MYRFL: variants seen among roughly 807,000 people sequenced by gnomAD.
MYRFL encodes myelin regulatory factor like, also known as myelin regulatory factor-like protein.
Under a neutral mutation model 109.4 loss-of-function variants are expected in MYRFL, and 88 were observed. The ratio of observed to expected loss-of-function variants is 0.80; its 90% CI spans 0.68 to 0.96. The LOEUF (loss-of-function observed/expected upper bound fraction) is 0.96. Ranked by LOEUF, MYRFL falls within the 40% of genes least tolerant of loss-of-function variation. The probability of loss-of-function intolerance (pLI) is 0.00; values close to 1 mark genes in which losing one functional copy is unlikely to be tolerated. For synonymous variants in MYRFL, 324 were observed against 320.9 expected (o/e 1.01, Z -0.10); for missense variants, 957 against 954.9 (o/e 1.00, Z -0.03).
intron 13 of MYRFL, among the ~76,000 whole-genome samples, chr12:69,911,170 G>A (rs182118689): frequency 3.1e-4 from 47 of 152,270 alleles, no homozygotes; most frequent in Non-Finnish European, 5.1e-4. Flanking sequence ...GTAAGAATTC[G>A]AGTTCAGCAG....
At chr12:69,897,034 C>A in intron 9 of MYRFL, 122 bp from the exon 10 acceptor site, 1 of 714,126 alleles carries the variant, frequency 1.4e-6, no homozygotes, top group Non-Finnish European at 2.4e-6. Flanking sequence ...AAAAGGCAGT[C>A]TTTAAATAAG....
In MYRFL at chr12:69,891,165, AG is replaced by A. The variant is rs1886776194; in HGVS notation, c.903+1del. On this transcript the variant is annotated frameshift_variant and splice_region_variant, in exon 7 of 25. Transcript: ENST00000552032. LOFTEE classifies it high-confidence loss of function. ...TTTTACTTGAAAGTTTTTGGCACTA[AG>A]GTATGTCTTTTATTTAGTTCAGTTT... ...EMFYLKVFGT[K>X]VEATNQIIAI... 2 of 1,511,324 alleles carry A rather than the reference AG, an allele frequency of 1.3e-6. No individual in the cohort carries two copies. The highest frequency in any genetic ancestry group is 2.8e-5 in the African/African-American group (2 of 71,794). 93.6% of individuals were successfully genotyped at this position (1,511,324 alleles called of 1,614,324 possible).
At chr12:69,880,419 TGGTAGTTTGGTTCTTCCC>T in intron 5 of MYRFL, 127 bp downstream of exon 5, 1 of 580,562 alleles carries the variant, frequency 1.7e-6, no homozygotes, top group Non-Finnish European at 3.1e-6. Context: ...TGATAAGCTC[TGGTAGTTTGGTTCTTCCC>T]TCTTGATGTA....
chr12:69,950,970 A>G (rs1955958771), intron 19 of MYRFL, among the ~76,000 whole-genome samples: 2 of 152,242 alleles, frequency 1.3e-5, no homozygotes, highest in Admixed American at 1.3e-4. Context: ...GGCAGGGGTT[A>G]CAGAGGATTC....
Position 69,868,874 on chromosome 12 carries a change from A to G in MYRFL, c.138-10154A>G, listed in dbSNP as rs910203713. Among the ~76,000 whole-genome samples, 7 of 152,088 alleles carry G rather than the reference A, an allele frequency of 4.6e-5. No individual in the cohort carries two copies. In the South Asian group the frequency reaches 8.3e-4, roughly 18 times the overall value. Reference sequence around the variant, plus strand: ...TGCACACATGTGCACACACACGCGCACACACATGCACTCACACACACGTAC... The same window carrying G: ...TGCACACATGTGCACACACACGCGCGCACACATGCACTCACACACACGTAC... On this transcript the variant is annotated intron_variant, in intron 2 of 24. Transcript: ENST00000552032.
Position 69,903,675 on chromosome 12 carries a change from G to T in MYRFL, c.1214G>T (p.Ser405Ile), listed in dbSNP as rs1242748985. 1 of 1,535,710 alleles carries T rather than the reference G, an allele frequency of 6.5e-7. No homozygotes were observed. The highest frequency in any genetic ancestry group is 1.4e-5 in the African/African-American group (1 of 73,016). Reference protein sequence around the residue: ...ASNPGQFENDSDALWQRGQVP... With the variant: ...ASNPGQFENDIDALWQRGQVP... ...AACCCTGGGCAGTTTGAAAATGACA[G>T]TGATGCATTGTGGCAGCGAGGACAA... The change falls in exon 11 of 25, where the codon AGT (serine) becomes ATT (isoleucine). Residue 405 changes from serine (S) to isoleucine (I), a missense_variant. Coordinates refer to ENST00000552032, the MANE Select transcript of MYRFL (RefSeq NM_182530.3).
chr12:69,880,862 T>G (rs1397017913), intron 5 of MYRFL, among the ~76,000 whole-genome samples: 1 of 151,798 alleles, frequency 6.6e-6, no homozygotes, highest in Admixed American at 6.6e-5. Context: ...CACTTCAAAT[T>G]GGCAAGTTCC....
chr12:69,938,895 A>G (rs1955550753), intron 19 of MYRFL, among the ~76,000 whole-genome samples: 2 of 152,208 alleles, frequency 1.3e-5, no homozygotes, highest in Non-Finnish European at 2.9e-5. Flanking sequence ...CGCAGGGTTC[A>G]GGGAGTTCCC....
chr12:69,957,429 A>G (rs1315641934), intron 22 of MYRFL, among the ~76,000 whole-genome samples: 4 of 152,208 alleles, frequency 2.6e-5, no homozygotes, highest in Admixed American at 2.0e-4. Flanking sequence ...TCATAAGATT[A>G]GGTTTTAAAA....
At chr12:69,912,034 GC>G (rs1202892011) in intron 13 of MYRFL, among the ~76,000 whole-genome samples, 2 of 152,148 alleles carry the variant, frequency 1.3e-5, no homozygotes, top group Non-Finnish European at 2.9e-5. Context: ...AGCAGAGGAT[GC>G]CTTTTCATGT....
chr12:69,951,501 C>T (rs1955975542), intron 19 of MYRFL, among the ~76,000 whole-genome samples: 1 of 148,026 alleles, frequency 6.8e-6, no homozygotes, highest in Non-Finnish European at 1.5e-5. Flanking sequence ...AATCTCGGCT[C>T]ACCACAACCT....
At chr12:69,932,370 G>A (rs1348886038) in intron 15 of MYRFL, 143 bp from the exon 16 acceptor site, 4 of 582,012 alleles carry the variant, frequency 6.9e-6, no homozygotes, top group Non-Finnish European at 1.2e-5. Flanking sequence ...AGGCAGGGAG[G>A]AGGAAAGAGA....
chr12:69,948,142 T>A (rs1257561621), intron 19 of MYRFL, among the ~76,000 whole-genome samples: 3 of 152,192 alleles, frequency 2.0e-5, no homozygotes, highest in African/African-American at 7.2e-5. Flanking sequence ...CTTTATGACT[T>A]CCTGTATGAC....
chr12:69,832,504 A>G (rs2136313570), intron 1 of MYRFL, among the ~76,000 whole-genome samples: 1 of 152,318 alleles, frequency 6.6e-6, no homozygotes, highest in East Asian at 1.9e-4. Context: ...ATGGTGGTGC[A>G]GAGAGTCTGA....
chr12:69,880,681 C>G (rs940597697), intron 5 of MYRFL, among the ~76,000 whole-genome samples: 56 of 152,316 alleles, frequency 3.7e-4, no homozygotes, highest in African/African-American at 1.3e-3. Flanking sequence ...GCATGAGGAT[C>G]TTGGTAAAAT....
chr12:69,854,024 G>A (rs369687128), intron 1 of MYRFL, among the ~76,000 whole-genome samples: 5 of 152,176 alleles, frequency 3.3e-5, no homozygotes, highest in East Asian at 1.9e-4. Context: ...GTAGTGAGCC[G>A]AGATCACGCC....
intron 6 of MYRFL, among the ~76,000 whole-genome samples, chr12:69,889,187 C>A (rs1277568590): frequency 6.6e-6 from 1 of 151,832 alleles, no homozygotes; most frequent in African/African-American, 2.4e-5. Context: ...GTGAGTAATG[C>A]CCTCCTCTGC....
At chr12:69,912,321 A>G (rs952427620) in intron 13 of MYRFL, among the ~76,000 whole-genome samples, 11 of 152,234 alleles carry the variant, frequency 7.2e-5, no homozygotes, top group Non-Finnish European at 1.5e-5. Flanking sequence ...ACAAAACATA[A>G]CATGTATTAT....
chr12:69,837,336 C>T (rs1199787554), intron 1 of MYRFL, among the ~76,000 whole-genome samples: 2 of 152,154 alleles, frequency 1.3e-5, no homozygotes, highest in Non-Finnish European at 2.9e-5. Flanking sequence ...TGGCCACTGG[C>T]TACCCAACTC....
Sources: allele counts gnomAD v4.1 joint callset (sites outside exome capture counted in the v4.1 genomes callset), GRCh38; gene constraint gnomAD v4.1.1; transcripts MANE v1.5; gene names NCBI Gene and HGNC (gene_info 2026-07-23, HGNC 2026-07-21).